The following ELMO1 variants were observed in gnomAD, a reference collection of about 807,000 sequenced individuals.
The protein encoded by ELMO1 is engulfment and cell motility 1.
ELMO1 carries 26 observed loss-of-function variants against 98.9 expected under a neutral mutation model. That is an observed-to-expected ratio of 0.26 (90% CI 0.19 to 0.36). ELMO1 has a LOEUF of 0.36. ELMO1 is among the 10% of genes least tolerant of loss of function. The pLI, the probability that ELMO1 is intolerant of heterozygous loss-of-function variation, is 1.00. For missense variants in ELMO1, 627 were observed against 935.2 expected (o/e 0.67, Z 4.30); for synonymous variants, 346 against 346.0 (o/e 1.00, Z 0.00).
At chr7:37,130,350 G>A (rs916141933) in intron 14 of ELMO1, among the ~76,000 whole-genome samples, 1 of 152,192 alleles carries the variant, frequency 6.6e-6, no homozygotes, top group Non-Finnish European at 1.5e-5. Context: ...TGCAGCCTGA[G>A]GGACTGAGAC....
At chr7:37,182,283 A>C (rs968197826) in intron 13 of ELMO1, among the ~76,000 whole-genome samples, 5 of 152,168 alleles carry the variant, frequency 3.3e-5, no homozygotes, top group African/African-American at 1.2e-4. Context: ...CAGATACGGT[A>C]GGGCAGATTC....
intron 4 of ELMO1, among the ~76,000 whole-genome samples, chr7:37,304,522 C>G (rs1484646392): frequency 6.6e-6 from 1 of 152,180 alleles, no homozygotes; most frequent in Non-Finnish European, 1.5e-5. Flanking sequence ...TCAAGACCAG[C>G]CTGACCAACA....
At chr7:37,345,465 A>G (rs925516201) in intron 1 of ELMO1, among the ~76,000 whole-genome samples, 1 of 152,030 alleles carries the variant, frequency 6.6e-6, no homozygotes, top group Non-Finnish European at 1.5e-5. Flanking sequence ...TAATCCCAAC[A>G]CTTTGAGACT....
intron 1 of ELMO1, among the ~76,000 whole-genome samples, chr7:37,357,589 A>C (rs1005942745): frequency 1.3e-5 from 2 of 152,202 alleles, no homozygotes; most frequent in East Asian, 1.9e-4. Context: ...TAGATATTTT[A>C]TCTCTCTAGT....
At chr7:37,083,341 T>C (rs1783579690) in intron 15 of ELMO1, among the ~76,000 whole-genome samples, 1 of 152,124 alleles carries the variant, frequency 6.6e-6, no homozygotes, top group Admixed American at 6.5e-5. Context: ...GGAATTTGCA[T>C]TTCACAGAAG....
intron 4 of ELMO1, among the ~76,000 whole-genome samples, chr7:37,291,863 C>T (rs145751430): frequency 6.7e-6 from 1 of 150,062 alleles, no homozygotes; most frequent in Non-Finnish European, 1.5e-5. Flanking sequence ...TGCAGTGAGC[C>T]GAGATCACAC....
chr7:37,194,129 C>A (rs1048525380), intron 13 of ELMO1, among the ~76,000 whole-genome samples: 1 of 152,196 alleles, frequency 6.6e-6, no homozygotes, highest in African/African-American at 2.4e-5. Context: ...TATAGTTTCC[C>A]AGCTCCCCTT....
At chr7:37,431,206 G>A (rs1445590034) in intron 1 of ELMO1, among the ~76,000 whole-genome samples, 3 of 152,282 alleles carry the variant, frequency 2.0e-5, no homozygotes, top group South Asian at 4.1e-4. Flanking sequence ...GCATGGTGGT[G>A]CATGTCTATA....
chr7:37,376,112 A>T (rs1802331177), intron 1 of ELMO1: 1 of 330,628 alleles, frequency 3.0e-6, no homozygotes, highest in South Asian at 2.7e-5. Context: ...AAAAACACTG[A>T]TTCTTACAGC....
chr7:37,177,479 A>C (rs910957632), intron 13 of ELMO1, among the ~76,000 whole-genome samples: 1 of 152,236 alleles, frequency 6.6e-6, no homozygotes, highest in Non-Finnish European at 1.5e-5. Context: ...AATAATTTAA[A>C]ATGTATTCTG....
chr7:36,996,004 G>A (rs373370129), intron 16 of ELMO1, among the ~76,000 whole-genome samples: 8 of 152,276 alleles, frequency 5.3e-5, no homozygotes, highest in Middle Eastern at 6.8e-3. Flanking sequence ...GGTTTGGGAA[G>A]GGAAGTCTTT....
At chr7:37,141,922 G>T (rs986611884) in intron 13 of ELMO1, among the ~76,000 whole-genome samples, 2 of 151,540 alleles carry the variant, frequency 1.3e-5, no homozygotes, top group Admixed American at 6.6e-5. Context: ...AACTATGAGA[G>T]AGTAGTGCTG....
intron 7 of ELMO1, among the ~76,000 whole-genome samples, chr7:37,242,036 T>A (rs1794791031): frequency 6.6e-6 from 1 of 152,196 alleles, no homozygotes; most frequent in Non-Finnish European, 1.5e-5. Context: ...ATCTCCATCA[T>A]TATTTTCTTC....
chr7:37,188,080 T>C (rs1307965478), intron 13 of ELMO1, among the ~76,000 whole-genome samples: 2 of 152,162 alleles, frequency 1.3e-5, no homozygotes, highest in African/African-American at 4.8e-5. Context: ...ATGGCAATCA[T>C]AATCACTTTT....
At chr7:37,209,619 G>A (rs1792841937) in intron 13 of ELMO1, among the ~76,000 whole-genome samples, 1 of 152,136 alleles carries the variant, frequency 6.6e-6, no homozygotes, top group Non-Finnish European at 1.5e-5. Context: ...GAGAGATTGG[G>A]TGATTTCGCA....
chr7:37,166,185 T>C (rs1280882970), intron 13 of ELMO1, among the ~76,000 whole-genome samples: 3 of 152,172 alleles, frequency 2.0e-5, no homozygotes, highest in Non-Finnish European at 2.9e-5. Context: ...GGTGGTGATA[T>C]CCCCTTTATC....
intron 1 of ELMO1, among the ~76,000 whole-genome samples, chr7:37,391,886 C>T (rs1279619596): frequency 1.3e-5 from 2 of 152,208 alleles, no homozygotes; most frequent in Non-Finnish European, 2.9e-5. Context: ...CAAGAAAGAG[C>T]AGCAAAGCCT....
At chr7:37,435,952 G>C (rs547998943) in intron 1 of ELMO1, among the ~76,000 whole-genome samples, 10 of 152,322 alleles carry the variant, frequency 6.6e-5, no homozygotes, top group African/African-American at 2.4e-4. Flanking sequence ...ATCCAGTGTA[G>C]CAGGTTCAAC....
chr7:36,868,238 T>C (rs1803187712), intron 20 of ELMO1, among the ~76,000 whole-genome samples: 1 of 152,252 alleles, frequency 6.6e-6, no homozygotes, highest in South Asian at 2.1e-4. Flanking sequence ...CTTGGACATC[T>C]GACTTTCCAC....
Sources: gnomAD v4.1 joint callset for allele counts (sites outside exome capture counted in the v4.1 genomes callset) on GRCh38, gnomAD v4.1.1 for gene constraint, MANE v1.5 for transcripts, NCBI Gene and HGNC (gene_info 2026-07-23, HGNC 2026-07-21) for gene names.